Variants in SPECC1L observed in about 807,000 individuals in gnomAD.
SPECC1L encodes cytospin-A.
SPECC1L carries 40 observed loss-of-function variants against 116.8 expected under a neutral mutation model. The ratio of observed to expected loss-of-function variants is 0.34; its 90% CI spans 0.27 to 0.45. SPECC1L has a LOEUF of 0.45. Ranked by LOEUF, SPECC1L falls within the 20% of genes least tolerant of loss-of-function variation. The probability of loss-of-function intolerance (pLI) is 1.00; values close to 1 mark genes in which losing one functional copy is unlikely to be tolerated. For missense variants in SPECC1L, 1,110 were observed against 1,373.6 expected (o/e 0.81, Z 3.03); for synonymous variants, 504 against 500.6 (o/e 1.01, Z -0.09).
chr22:24,324,249 A>G lies in SPECC1L; in HGVS notation c.1968A>G (p.Glu656=), dbSNP rs199697138. 1.3e-5 allele frequency: 21 copies of G among 1,613,956 alleles called. No homozygotes were observed. The highest frequency in any genetic ancestry group is 1.7e-5 in the Non-Finnish European group (20 of 1,180,008). Reference sequence around the variant, plus strand: ...AGGATGAATACCGAGCCTTCCAAGAAGAAGCTAAGAAACAAATTGAAGATT... The same window carrying G: ...AGGATGAATACCGAGCCTTCCAAGAGGAAGCTAAGAAACAAATTGAAGATT... The part of the protein sequence containing the change: ...KVEDEYRAFQ[E]EAKKQIEDLN... The change falls in exon 6 of 17, where the codon GAA becomes GAG. Residue 656 remains glutamate (E), a synonymous_variant. Transcript: ENST00000314328.
At chr22:24,302,613 G>C (rs947939748) in intron 3 of SPECC1L, among the ~76,000 whole-genome samples, 6 of 152,150 alleles carry the variant, frequency 3.9e-5, no homozygotes, top group Non-Finnish European at 8.8e-5. Flanking sequence ...TTGAGCACCT[G>C]CCTTGTGCAG....
intron 2 of SPECC1L, among the ~76,000 whole-genome samples, chr22:24,285,979 T>C (rs1261334505): frequency 1.3e-5 from 2 of 152,270 alleles, no homozygotes; most frequent in Non-Finnish European, 2.9e-5. Context: ...ATTTTGTGTT[T>C]TGAAGTCCTT....
At chr22:24,364,328 G>C (rs1317869461) in intron 12 of SPECC1L, among the ~76,000 whole-genome samples, 1 of 152,158 alleles carries the variant, frequency 6.6e-6, no homozygotes, top group East Asian at 1.9e-4. Context: ...CAGTTGACTT[G>C]ATACGTTTTG....
chr22:24,373,239 T>C lies in SPECC1L; in HGVS notation c.3087+3919T>C, dbSNP rs185341626. Among the ~76,000 whole-genome samples the C allele has an allele frequency of 2.8e-3, 421 of 152,318 alleles. 5 individuals are homozygous for C. Among genetic ancestry groups the C allele is most frequent in the African/African-American group, 9.8e-3 (408 of 41,566 alleles). On this transcript the variant is annotated intron_variant, in intron 14 of 16. Transcript: ENST00000314328. ...AGATTCAGTGCCATCCCCATCAAGC[T>C]ACCAATGACTTTCTTCACAGAATTG...
chr22:24,383,790 C>CTT (rs2042104560), intron 14 of SPECC1L, among the ~76,000 whole-genome samples: 2 of 77,154 alleles, frequency 2.6e-5, no homozygotes, highest in South Asian at 4.7e-4. Context: ...GCACCCACCA[C>CTT]TATTTTTTTT....
chr22:24,304,415 G>A (rs763516214), intron 3 of SPECC1L: 3 of 152,240 alleles, frequency 2.0e-5, no homozygotes, highest in Non-Finnish European at 4.4e-5. Flanking sequence ...ACTGCTGGTT[G>A]GAGCTTTTGT....
chr22:24,386,594 T>C (rs1245463224), intron 14 of SPECC1L, among the ~76,000 whole-genome samples: 2 of 151,382 alleles, frequency 1.3e-5, no homozygotes, highest in Non-Finnish European at 2.9e-5. Context: ...ATTATTATTA[T>C]TGTTATTATT....
At position 24,276,686 on chromosome 22, in the gene SPECC1L, T is replaced by C. The variant is rs202124202; in HGVS notation, c.-141-14T>C. The C allele has an allele frequency of 7.2e-6, 3 of 419,248 alleles. No homozygotes were observed. The highest frequency in any genetic ancestry group is 1.7e-5 in the South Asian group (1 of 58,554). 26.0% of individuals were successfully genotyped at this position (419,248 alleles called of 1,614,324 possible). A position where few individuals can be genotyped will look rare whatever the true frequency, so the allele number is the denominator to read the frequency against. Reference sequence around the variant, plus strand: ...AAATTTAAAGCTATTCTATTCTTCCTCTCTCTCTTCTAGTGTTCTTGGGGA... The same window carrying C: ...AAATTTAAAGCTATTCTATTCTTCCCCTCTCTCTTCTAGTGTTCTTGGGGA... On this transcript the variant is annotated splice_polypyrimidine_tract_variant and intron_variant, in intron 1 of 16. Coordinates refer to ENST00000314328, the MANE Select transcript of SPECC1L (RefSeq NM_015330.6).
chr22:24,351,342 T>C (rs1479899587), intron 11 of SPECC1L, among the ~76,000 whole-genome samples: 1 of 152,258 alleles, frequency 6.6e-6, no homozygotes, highest in African/African-American at 2.4e-5. Context: ...TAATTATTTC[T>C]GTTACCTTGG....
chr22:24,386,596 GTTATTA>G (rs576690034), intron 14 of SPECC1L, among the ~76,000 whole-genome samples: 36 of 150,530 alleles, frequency 2.4e-4, no homozygotes, highest in African/African-American at 3.6e-4. Flanking sequence ...TATTATTATT[GTTATTA>G]TTATTATTAT....
chr22:24,327,277 CAAAAAAA>C (rs58725731), intron 6 of SPECC1L, among the ~76,000 whole-genome samples: 53 of 41,980 alleles, frequency 1.3e-3, no homozygotes, highest in African/African-American at 3.4e-3. Context: ...GACTCCGTCT[CAAAAAAA>C]AAAAAAAAAA....
intron 2 of SPECC1L, among the ~76,000 whole-genome samples, chr22:24,290,246 G>C (rs540215321): frequency 6.6e-6 from 1 of 152,186 alleles, no homozygotes; most frequent in Non-Finnish European, 1.5e-5. Flanking sequence ...TTTTCCTTCC[G>C]TGGCCATGAG....
rs780818044 is a variant in SPECC1L at position 24,404,785 on chromosome 22, C to T, written c.3088-6803C>T. Among the ~76,000 whole-genome samples the T allele has an allele frequency of 3.9e-5, 6 of 152,288 alleles. No homozygotes were observed. In the East Asian group the frequency reaches 9.6e-4, roughly 24 times the overall value. ...CCTGTCCAGCAAGATGCCCGCCCAC[C>T]CATGAAACCCCAGGTGAGGACTCGC... On this transcript the variant is annotated intron_variant, in intron 14 of 16. Transcript: ENST00000314328.
At chr22:24,276,273 A>AAAAAT (rs1338383894) in intron 1 of SPECC1L, among the ~76,000 whole-genome samples, 2 of 152,054 alleles carry the variant, frequency 1.3e-5, no homozygotes, top group African/African-American at 4.8e-5. Flanking sequence ...TATAATAAAA[A>AAAAAT]AAAATAAAAT....
chr22:24,361,420 A>C (rs1408112147), intron 11 of SPECC1L, among the ~76,000 whole-genome samples: 1 of 151,752 alleles, frequency 6.6e-6, no homozygotes, highest in African/African-American at 2.4e-5. Flanking sequence ...AAATAAAAAG[A>C]GGCTGGGTGA....
chr22:24,319,957 C>T (rs1408507883), intron 4 of SPECC1L, among the ~76,000 whole-genome samples: 1 of 152,126 alleles, frequency 6.6e-6, no homozygotes, highest in Non-Finnish European at 1.5e-5. Flanking sequence ...TGGCCAGGTG[C>T]GGTGGCTCAC....
chr22:24,334,376 T>A lies in SPECC1L; in HGVS notation c.2397-34T>A. On this transcript the variant is annotated intron_variant, in intron 8 of 16. Coordinates refer to ENST00000314328, the MANE Select transcript of SPECC1L (RefSeq NM_015330.6). Reference sequence around the variant, plus strand: ...GAAAATGTGTATGTTCTAGTACCTATGTAAAAATGCTCTGATTTCAATATT... The same window carrying A: ...GAAAATGTGTATGTTCTAGTACCTAAGTAAAAATGCTCTGATTTCAATATT... The A allele has an allele frequency of 1.9e-6, 3 of 1,611,232 alleles. No homozygotes were observed. In the South Asian group the frequency reaches 3.3e-5, roughly 18 times the overall value.
chr22:24,327,404 C>T (rs1202660377), intron 6 of SPECC1L, among the ~76,000 whole-genome samples: 1 of 151,460 alleles, frequency 6.6e-6, no homozygotes, highest in Non-Finnish European at 1.5e-5. Flanking sequence ...GATGATGAGC[C>T]ATCTAAGAAA....
At chr22:24,320,448 T>C (rs2040698835) in intron 4 of SPECC1L, among the ~76,000 whole-genome samples, 1 of 152,248 alleles carries the variant, frequency 6.6e-6, no homozygotes, top group South Asian at 2.1e-4. Flanking sequence ...CGTTGTTTTT[T>C]ACATTTAGAG....
Sources: allele counts gnomAD v4.1 joint callset (sites outside exome capture counted in the v4.1 genomes callset), GRCh38; gene constraint gnomAD v4.1.1; transcripts MANE v1.5; gene names NCBI Gene and HGNC (gene_info 2026-07-23, HGNC 2026-07-21).